Variants in ZNF654 observed in about 807,000 individuals in gnomAD.
ZNF654 encodes melanoma-associated antigen.
ZNF654 carries 19 observed loss-of-function variants against 95.3 expected under a neutral mutation model. The observed-to-expected ratio is 0.20, with a 90% confidence interval of 0.14 to 0.29. The LOEUF is 0.29. Among genes scored for constraint, ZNF654 ranks in the 10% least tolerant of loss-of-function variants. The pLI is 1.00. For missense variants in ZNF654, 1,046 were observed against 1,341.0 expected (o/e 0.78, Z 3.44); for synonymous variants, 413 against 457.9 (o/e 0.90, Z 1.25).
At chr3:88,134,370 A>G (rs1706646469) in intron 6 of ZNF654, among the ~76,000 whole-genome samples, 3 of 152,044 alleles carry the variant, frequency 2.0e-5, no homozygotes, top group Admixed American at 2.0e-4. Context: ...TGCTTTGTAC[A>G]CTTTTATGAC....
rs1214665856 is a variant in ZNF654 at position 88,140,595 on chromosome 3, A to G, written c.2926A>G (p.Ile976Val). Reference sequence around the variant, plus strand: ...TGAAAATAATTGTAGTAGTAGTGATATAGTCAATGGACACAGTGAAATAGA... The same window carrying G: ...TGAAAATAATTGTAGTAGTAGTGATGTAGTCAATGGACACAGTGAAATAGA... Reference protein sequence around the residue: ...NSENNCSSSDIVNGHSEIEQT... With the variant: ...NSENNCSSSDVVNGHSEIEQT... Residue 976 changes from isoleucine to valine, a missense_variant, in exon 8 of 9, where the codon ATA becomes GTA. Ile to Val is a conservative substitution (Grantham distance 29, BLOSUM62 3). Transcript: ENST00000636215. 8 of 1,613,656 alleles carry G rather than the reference A, an allele frequency of 5.0e-6. No homozygotes were observed. In the East Asian group the frequency reaches 1.1e-4, roughly 22 times the overall value.
intron 1 of ZNF654, among the ~76,000 whole-genome samples, chr3:88,077,521 G>T (rs1400007796): frequency 2.0e-5 from 3 of 151,622 alleles, no homozygotes; most frequent in African/African-American, 7.3e-5. Context: ...TTTTTTAGTA[G>T]AGACGGGGTT....
intron 3 of ZNF654, among the ~76,000 whole-genome samples, chr3:88,116,243 A>C (rs1335468577): frequency 6.6e-6 from 1 of 152,070 alleles, no homozygotes; most frequent in African/African-American, 2.4e-5. Flanking sequence ...TATATGGGCC[A>C]GGCATAGTGG....
chr3:88,141,751 T>C lies in ZNF654; in HGVS notation c.*99T>C. 5 of 924,440 alleles carry C rather than the reference T, an allele frequency of 5.4e-6. No individual in the cohort carries two copies. The highest frequency in any genetic ancestry group is 7.9e-6 in the Non-Finnish European group (5 of 632,756). The allele number at this position is 924,440 out of a possible 1,614,324, so 57.3% of individuals were successfully genotyped here. A position where few individuals can be genotyped will look rare whatever the true frequency, so the allele number is the denominator to read the frequency against. On this transcript the variant is annotated 3_prime_UTR_variant, in exon 9 of 9. Transcript: ENST00000636215. ...TTTGCTATTTCCCTGATGGCCTTAA[T>C]TTTAGAGTGGTCTTGGATTACTAAA...
At chr3:88,130,692 A>G (rs1453519555) in intron 6 of ZNF654, among the ~76,000 whole-genome samples, 1 of 149,508 alleles carries the variant, frequency 6.7e-6, no homozygotes, top group Non-Finnish European at 1.5e-5. Context: ...CTTGGGCTCA[A>G]GTAAATCTGC....
rs1708076811 is a variant in ZNF654, at chr3:88,081,529, A to AT, written c.187-4726dup. 2.0e-5 allele frequency among the ~76,000 whole-genome samples: 3 copies of AT among 152,316 alleles called. No individual in the cohort carries two copies. In the South Asian group the frequency reaches 6.2e-4, roughly 32 times the overall value. ...TTTCACTGTAAGAAACAGCTGTCTC[A>AT]TTGCTAACATTTATTTAATTATTTG... On this transcript the variant is annotated intron_variant, in intron 1 of 8. Coordinates refer to ENST00000636215, the MANE Select transcript of ZNF654 (RefSeq NM_001350134.2).
intron 1 of ZNF654, among the ~76,000 whole-genome samples, chr3:88,078,483 TACA>T (rs1707926141): frequency 6.6e-6 from 1 of 152,166 alleles, no homozygotes; most frequent in African/African-American, 2.4e-5. Flanking sequence ...GATTTGAAGA[TACA>T]AATAACTGAA....
chr3:88,130,306 T>G (rs1370350634), intron 6 of ZNF654, among the ~76,000 whole-genome samples: 3 of 152,216 alleles, frequency 2.0e-5, no homozygotes, highest in African/African-American at 7.2e-5. Flanking sequence ...TCATTAATTC[T>G]TAACAGAAAA....
intron 1 of ZNF654, 29 bp downstream of exon 1, chr3:88,059,534 G>A: frequency 6.9e-7 from 1 of 1,458,350 alleles, no homozygotes; most frequent in African/African-American, 1.4e-5. Flanking sequence ...GCCCCGACTT[G>A]TCACCCGGGT....
chr3:88,138,765 C>T lies in ZNF654; in HGVS notation c.1096C>T (p.Leu366Phe). ...EICGCALQLDLHDDPKTKCLI... is the reference protein window; with the variant it reads ...EICGCALQLDFHDDPKTKCLI... ...ATGTGGTTGTGCTCTACAACTCGAC[C>T]TTCATGATGATCCCAAAACTAAATG... Residue 366 changes from leucine to phenylalanine, a missense_variant, in exon 8 of 9, where the codon CTT becomes TTT. By Grantham distance (22) the Leu-to-Phe change is conservative (BLOSUM62 0). Coordinates refer to ENST00000636215, the MANE Select transcript of ZNF654 (RefSeq NM_001350134.2). 9.7e-6 allele frequency: 12 copies of T among 1,232,016 alleles called. No individual in the cohort carries two copies. Among genetic ancestry groups the T allele is most frequent in the Non-Finnish European group, 1.2e-5 (12 of 987,878 alleles). 76.3% of individuals were successfully genotyped at this position (1,232,016 alleles called of 1,614,324 possible). A position where few individuals can be genotyped will look rare whatever the true frequency, so the allele number is the denominator to read the frequency against.
chr3:88,119,906 G>A (rs1304885159), intron 3 of ZNF654, among the ~76,000 whole-genome samples: 1 of 152,116 alleles, frequency 6.6e-6, no homozygotes, highest in African/African-American at 2.4e-5. Flanking sequence ...CCGTAGTTAT[G>A]ATTGGCTTCC....
At chr3:88,115,838 C>A (rs1363329868) in intron 3 of ZNF654, among the ~76,000 whole-genome samples, 1 of 151,952 alleles carries the variant, frequency 6.6e-6, no homozygotes, top group Non-Finnish European at 1.5e-5. Flanking sequence ...TCGAGATTCC[C>A]AATGAAGTGA....
At position 88,143,167 on chromosome 3, in the gene ZNF654, TC is replaced by T. The variant is rs1707208325; in HGVS notation, c.*1517del. On this transcript the variant is annotated 3_prime_UTR_variant, in exon 9 of 9. Transcript: ENST00000636215. ...GCTATTACGGAAGTGGGGAATTTCT[TC>T]CAGGTAGCATCCATATTTTATTAAA... 3.3e-5 allele frequency: 5 copies of T among 152,400 alleles called. No homozygotes were observed. The South Asian group carries it at 1.0e-3, about 32-fold the overall frequency. 9.4% of individuals were successfully genotyped at this position (152,400 alleles called of 1,614,324 possible). A position where few individuals can be genotyped will look rare whatever the true frequency, so the allele number is the denominator to read the frequency against.
chr3:88,093,919 C>T (rs112693834), intron 2 of ZNF654, among the ~76,000 whole-genome samples: 3 of 152,124 alleles, frequency 2.0e-5, no homozygotes, highest in Admixed American at 6.6e-5. Flanking sequence ...TTGCCCATCT[C>T]CACAGCATCT....
chr3:88,134,888 C>T (rs1233220098), intron 6 of ZNF654, among the ~76,000 whole-genome samples, 173 bp from the exon 7 acceptor site: 3 of 152,114 alleles, frequency 2.0e-5, no homozygotes, highest in South Asian at 4.1e-4. Flanking sequence ...TTCTTCCTCT[C>T]CCAACTTGTT....
chr3:88,118,645 T>A (rs1705562774), intron 3 of ZNF654, among the ~76,000 whole-genome samples: 1 of 152,216 alleles, frequency 6.6e-6, no homozygotes, highest in Non-Finnish European at 1.5e-5. Flanking sequence ...GTCCTAATCT[T>A]GGTAGTCACA....
rs765155256 is a variant in ZNF654, at chr3:88,139,540, C to T, written c.1871C>T (p.Ser624Phe). The change falls in exon 8 of 9, where the codon TCT (serine) becomes TTT (phenylalanine). Residue 624 changes from serine to phenylalanine, a missense_variant. By Grantham distance (155) the Ser-to-Phe change is radical. Coordinates refer to ENST00000636215, the MANE Select transcript of ZNF654 (RefSeq NM_001350134.2). The stretch of plus-strand genomic sequence containing the variant: ...TTGGAAGAAATAAATTGTTCTAGTT[C>T]TTCCATTTCATTTGAAAATGGGAAT... ...TALEEINCSS[S>F]SISFENGNSD... The T allele has an allele frequency of 1.2e-6, 2 of 1,613,426 alleles. No individual in the cohort carries two copies. Among genetic ancestry groups the T allele is most frequent in the Non-Finnish European group, 1.7e-6 (2 of 1,179,704 alleles).
chr3:88,136,854 AT>A (rs1706816050), intron 7 of ZNF654, among the ~76,000 whole-genome samples: 1 of 152,136 alleles, frequency 6.6e-6, no homozygotes, highest in Non-Finnish European at 1.5e-5. Flanking sequence ...TGATCTTAAC[AT>A]TTTTAAACTT....
At chr3:88,129,412 G>C (rs1285093288) in intron 5 of ZNF654, among the ~76,000 whole-genome samples, 1 of 143,176 alleles carries the variant, frequency 7.0e-6, no homozygotes, top group African/African-American at 2.6e-5. Context: ...TGTTTATTTT[G>C]TTTCTTAAGG....
Sources: gnomAD v4.1 joint callset for allele counts (sites outside exome capture counted in the v4.1 genomes callset) on GRCh38, gnomAD v4.1.1 for gene constraint, MANE v1.5 for transcripts, NCBI Gene and HGNC (gene_info 2026-07-23, HGNC 2026-07-21) for gene names.